ERBB4: variants seen among roughly 807,000 people sequenced by gnomAD.
The protein encoded by ERBB4 is receptor tyrosine-protein kinase erbB-4.
ERBB4 carries 42 observed loss-of-function variants against 158.0 expected under a neutral mutation model. The observed-to-expected ratio is 0.27, with a 90% CI of 0.21 to 0.34. The LOEUF (loss-of-function observed/expected upper bound fraction) is 0.34. Among genes scored for constraint, ERBB4 ranks in the 10% least tolerant of loss-of-function variants. ERBB4 has a pLI of 1.00. For synonymous variants in ERBB4, 583 were observed against 558.7 expected, an observed-to-expected ratio of 1.04 and a Z score of -0.61; for missense variants, 1,333 against 1,624.1, an observed-to-expected ratio of 0.82 and a Z score of 3.08.
At chr2:212,210,842 C>G (rs1238326769) in intron 1 of ERBB4, among the ~76,000 whole-genome samples, 1 of 152,062 alleles carries the variant, frequency 6.6e-6, no homozygotes, top group African/African-American at 2.4e-5. Flanking sequence ...GCTCTTGGTT[C>G]TATATCTCCA....
At chr2:212,135,904 G>C (rs1259764106) in intron 1 of ERBB4, among the ~76,000 whole-genome samples, 1 of 152,190 alleles carries the variant, frequency 6.6e-6, no homozygotes, top group African/African-American at 2.4e-5. Context: ...TCTCCTTGAG[G>C]TCTTGCTGTG....
chr2:212,285,656 A>G (rs1243487466), intron 1 of ERBB4, among the ~76,000 whole-genome samples: 1 of 152,194 alleles, frequency 6.6e-6, no homozygotes, highest in Non-Finnish European at 1.5e-5. Flanking sequence ...TGCAAAGTCA[A>G]TAACAGATAT....
At chr2:212,060,224 G>T (rs1233983317) in intron 2 of ERBB4, among the ~76,000 whole-genome samples, 1 of 152,038 alleles carries the variant, frequency 6.6e-6, no homozygotes, top group East Asian at 1.9e-4. Flanking sequence ...CATCATGACT[G>T]GCCATCAGAG....
At chr2:212,201,642 T>C (rs960920071) in intron 1 of ERBB4, among the ~76,000 whole-genome samples, 1 of 152,204 alleles carries the variant, frequency 6.6e-6, no homozygotes, top group Non-Finnish European at 1.5e-5. Context: ...CTGAAGCATG[T>C]CCTATATTTT....
intron 2 of ERBB4, among the ~76,000 whole-genome samples, chr2:212,056,751 C>T (rs937221730): frequency 6.6e-6 from 1 of 152,142 alleles, no homozygotes; most frequent in Non-Finnish European, 1.5e-5. Context: ...CACCACTAGG[C>T]CTGCCCTACA....
chr2:211,623,910 T>G lies in ERBB4; in HGVS notation c.2202+12A>C. ...AAAACTTAACTAACGATATGCGTTG[T>G]TTTTTACTTACTTTATAAACCGTTC... On this transcript the variant is annotated intron_variant, in intron 18 of 27. Transcript: ENST00000342788. 1 of 1,613,752 alleles carries G rather than the reference T, an allele frequency of 6.2e-7. No individual in the cohort carries two copies. Among genetic ancestry groups the G allele is most frequent in the South Asian group, 1.1e-5 (1 of 91,074 alleles).
At chr2:212,233,081 T>C (rs906918657) in intron 1 of ERBB4, among the ~76,000 whole-genome samples, 8 of 152,208 alleles carry the variant, frequency 5.3e-5, no homozygotes, top group Admixed American at 2.0e-4. Context: ...CCAAAAGAGA[T>C]TGGAATATTC....
intron 16 of ERBB4, among the ~76,000 whole-genome samples, chr2:211,644,160 G>A (rs574600948): frequency 6.6e-6 from 1 of 151,970 alleles, no homozygotes; most frequent in East Asian, 1.9e-4. Context: ...TTTCACAGAG[G>A]CTTTTGGTCA....
chr2:212,021,933 A>G (rs1204923374), intron 2 of ERBB4, among the ~76,000 whole-genome samples: 1 of 152,202 alleles, frequency 6.6e-6, no homozygotes, highest in East Asian at 1.9e-4. Context: ...GCTCAACATC[A>G]TTGATTATTA....
chr2:212,536,027 C>A (rs1693037987), intron 1 of ERBB4, among the ~76,000 whole-genome samples: 1 of 152,182 alleles, frequency 6.6e-6, no homozygotes, highest in Non-Finnish European at 1.5e-5. Flanking sequence ...TAATTTGTTT[C>A]ATCTAAAAGC....
intron 13 of ERBB4, among the ~76,000 whole-genome samples, chr2:211,675,792 T>TTATATATATATGTATATATATCTATATA (rs2072043148): frequency 1.1e-5 from 1 of 93,574 alleles, no homozygotes. Flanking sequence ...AAATATAATA[T>TTATATATATATGTATATATATCTATATA]TATATATATA....
chr2:211,531,036 C>G (rs1167732534), intron 20 of ERBB4, among the ~76,000 whole-genome samples: 2 of 152,026 alleles, frequency 1.3e-5, no homozygotes, highest in Non-Finnish European at 2.9e-5. Flanking sequence ...TCATTTTTGA[C>G]AAAGGTACCA....
intron 2 of ERBB4, among the ~76,000 whole-genome samples, chr2:211,976,028 G>C (rs2081596401): frequency 1.3e-5 from 2 of 152,034 alleles, no homozygotes; most frequent in African/African-American, 4.8e-5. Context: ...AACCATTATA[G>C]TTCATTTCAT....
At chr2:211,835,060 T>C (rs1162274808) in intron 3 of ERBB4, among the ~76,000 whole-genome samples, 1 of 152,146 alleles carries the variant, frequency 6.6e-6, no homozygotes, top group Non-Finnish European at 1.5e-5. Flanking sequence ...ATAGGGAATA[T>C]TTTTCCTTAA....
At chr2:212,324,538 T>C (rs1423036699) in intron 1 of ERBB4, among the ~76,000 whole-genome samples, 1 of 149,324 alleles carries the variant, frequency 6.7e-6, no homozygotes. Flanking sequence ...CAATGCCTGC[T>C]ACATAATAGG....
At chr2:212,142,258 T>G (rs553059211) in intron 1 of ERBB4, among the ~76,000 whole-genome samples, 1 of 152,246 alleles carries the variant, frequency 6.6e-6, no homozygotes, top group South Asian at 2.1e-4. Flanking sequence ...GTAAGCCCTA[T>G]GAGGGCAGGA....
intron 1 of ERBB4, among the ~76,000 whole-genome samples, chr2:212,340,919 T>C (rs537370946): frequency 1.3e-5 from 2 of 152,328 alleles, no homozygotes; most frequent in Admixed American, 1.3e-4. Context: ...CAGTTAAGAT[T>C]TTTAGATAAT....
chr2:212,372,375 G>C (rs2090118081), intron 1 of ERBB4, among the ~76,000 whole-genome samples: 1 of 151,946 alleles, frequency 6.6e-6, no homozygotes, highest in Admixed American at 6.6e-5. Context: ...GACCTCTATT[G>C]GCCTAAGACA....
chr2:211,724,327 T>C (rs916065715), intron 6 of ERBB4, among the ~76,000 whole-genome samples: 4 of 151,876 alleles, frequency 2.6e-5, no homozygotes, highest in African/African-American at 7.2e-5. Flanking sequence ...GGTTTGCTCA[T>C]TGCTGGAATT....
Sources: gnomAD v4.1 joint callset for allele counts (sites outside exome capture counted in the v4.1 genomes callset) on GRCh38, gnomAD v4.1.1 for gene constraint, MANE v1.5 for transcripts, NCBI Gene and HGNC (gene_info 2026-07-23, HGNC 2026-07-21) for gene names.